Variants in TMEM181 observed in about 807,000 individuals in gnomAD.
TMEM181 encodes the protein G protein-coupled receptor 178.
In TMEM181, 39 loss-of-function variants were observed where a neutral mutation model predicts 71.9. That is an observed-to-expected ratio of 0.54 (90% confidence interval 0.42 to 0.71). TMEM181 has a LOEUF of 0.71. TMEM181 is among the 30% of genes least tolerant of loss of function. TMEM181 has a pLI of 0.00. For missense variants in TMEM181, 595 were observed against 583.0 expected (o/e 1.02, Z -0.21); for synonymous variants, 245 against 228.8 (o/e 1.07, Z -0.64).
At chr6:158,555,523 G>T (rs111773193), upstream of TMEM181, among the ~76,000 whole-genome samples, 1 of 150,702 alleles carries the variant, frequency 6.6e-6, no homozygotes, top group Non-Finnish European at 1.5e-5. Flanking sequence ...GAAAAAAATA[G>T]AGATAGAGAA....
intron 6 of TMEM181, among the ~76,000 whole-genome samples, chr6:158,591,788 C>G (rs902132782): frequency 1.3e-5 from 2 of 152,108 alleles, no homozygotes; most frequent in African/African-American, 4.8e-5. Context: ...AGCTGTAGTT[C>G]ATCCTGACCC....
intron 12 of TMEM181, among the ~76,000 whole-genome samples, chr6:158,625,425 G>A (rs747476561): frequency 5.9e-5 from 9 of 152,118 alleles, no homozygotes; most frequent in Non-Finnish European, 8.8e-5. Flanking sequence ...TGGGTCCTGC[G>A]GGACTGTACC....
rs1781702461 is a variant in TMEM181, at chr6:158,550,924, TG to T, written c.131+14060del. 2.9e-5 allele frequency among the ~76,000 whole-genome samples: 4 copies of T among 140,276 alleles called. No homozygotes were observed. In the South Asian group the frequency reaches 8.8e-4, roughly 31 times the overall value. The allele number at this position is 140,276 out of a possible 152,430, so 92.0% of individuals were successfully genotyped here. Reference sequence around the variant, plus strand: ...AAAAAAAAAAAAAAAGAACCAATAATGTTTTAAATAAAAATCATACAAACAT... The same window carrying T: ...AAAAAAAAAAAAAAAGAACCAATAATTTTTAAATAAAAATCATACAAACAT... On this transcript the variant is annotated intron_variant, in intron 1 of 16. Coordinates refer to the TMEM181 transcript ENST00000367090.
At chr6:158,585,457 C>G in intron 5 of TMEM181, 32 bp downstream of exon 5, 1 of 1,521,618 alleles carries the variant, frequency 6.6e-7, no homozygotes, top group Non-Finnish European at 8.8e-7. Context: ...CACAGTCAGT[C>G]CTCAGGCTGT....
chr6:158,623,575 T>G lies in TMEM181; in HGVS notation c.922T>G (p.Tyr308Asp), dbSNP rs779971069. 6.3e-7 allele frequency: 1 copy of G among 1,584,682 alleles called. No homozygotes were observed. ...QTVNELHDPMYQYRVDTGNFQ... is the reference protein window; with the variant it reads ...QTVNELHDPMDQYRVDTGNFQ... ...AGTTAACGAATTACATGATCCAATG[T>G]ACCAGTATCGAGTTGATACCGGAAA... The change falls in exon 11 of 17, where the codon TAC (tyrosine) becomes GAC (aspartate). Residue 308 changes from tyrosine (Y) to aspartate (D), a missense_variant. Coordinates refer to ENST00000684151, the MANE Select transcript of TMEM181 (RefSeq NM_001376852.1).
intron 10 of TMEM181, among the ~76,000 whole-genome samples, chr6:158,621,856 T>C (rs570611109): frequency 6.6e-6 from 1 of 152,334 alleles, no homozygotes; most frequent in Non-Finnish European, 1.5e-5. Context: ...TTGATTACTT[T>C]GCAATACAAA....
intron 6 of TMEM181, among the ~76,000 whole-genome samples, chr6:158,596,211 G>C (rs35016219): frequency 6.6e-6 from 1 of 152,058 alleles, no homozygotes; most frequent in East Asian, 1.9e-4. Flanking sequence ...GAGCCACTGC[G>C]CCTGGCCCAA....
At chr6:158,611,296 C>A (rs1205437867) in intron 10 of TMEM181, 3 of 501,098 alleles carry the variant, frequency 6.0e-6, no homozygotes, top group South Asian at 1.5e-5. Flanking sequence ...CCTAGCTGGT[C>A]CTTCTCCACA....
At chr6:158,601,230 T>C (rs1784653179) in intron 6 of TMEM181, among the ~76,000 whole-genome samples, 1 of 152,218 alleles carries the variant, frequency 6.6e-6, no homozygotes, top group Non-Finnish European at 1.5e-5. Context: ...TTGTGCTTAG[T>C]TTTTAATACG....
intron 2 of TMEM181, among the ~76,000 whole-genome samples, chr6:158,577,511 A>T (rs1044108295): frequency 2.0e-5 from 3 of 152,204 alleles, no homozygotes; most frequent in Admixed American, 2.0e-4. Context: ...GAGAAGAGAT[A>T]GAGAATGGGT....
chr6:158,557,594 T>G (rs981544182), upstream of TMEM181, among the ~76,000 whole-genome samples: 1 of 152,132 alleles, frequency 6.6e-6, no homozygotes, highest in Non-Finnish European at 1.5e-5. Context: ...CTTGGCTCAC[T>G]GCAAGCTCCA....
chr6:158,569,966 C>G (rs1006624140), intron 1 of TMEM181, among the ~76,000 whole-genome samples: 1 of 152,104 alleles, frequency 6.6e-6, no homozygotes, highest in African/African-American at 2.4e-5. Flanking sequence ...AATAACTGTG[C>G]TAGTAGGGGG....
chr6:158,578,941 C>A (rs552354692), intron 2 of TMEM181, among the ~76,000 whole-genome samples: 2 of 152,266 alleles, frequency 1.3e-5, no homozygotes, highest in African/African-American at 4.8e-5. Flanking sequence ...ATTTCACTTC[C>A]GTGTATATAC....
At chr6:158,585,937 G>A (rs1335847671) in intron 5 of TMEM181, among the ~76,000 whole-genome samples, 2 of 152,136 alleles carry the variant, frequency 1.3e-5, no homozygotes, top group Non-Finnish European at 2.9e-5. Flanking sequence ...CAATTCTCCT[G>A]CCTTAACTTC....
intron 10 of TMEM181, among the ~76,000 whole-genome samples, chr6:158,619,891 GA>G (rs1785858075): frequency 1.1e-5 from 1 of 88,374 alleles, no homozygotes; most frequent in African/African-American, 4.5e-5. Context: ...AAAAAAAAAG[GA>G]GGATGTCATG....
At chr6:158,561,486 G>C (rs1782169588) in intron 1 of TMEM181, among the ~76,000 whole-genome samples, 1 of 152,212 alleles carries the variant, frequency 6.6e-6, no homozygotes, top group Admixed American at 6.5e-5. Flanking sequence ...TTGTAGCAGA[G>C]TGACAGCTGC....
intron 1 of TMEM181, among the ~76,000 whole-genome samples, chr6:158,566,184 G>A (rs1407564096): frequency 1.3e-5 from 2 of 152,094 alleles, no homozygotes; most frequent in East Asian, 3.9e-4. Context: ...GGTTTGGTGT[G>A]AGGCAGGTCA....
intron 2 of TMEM181, 110 bp downstream of exon 2, chr6:158,573,633 C>A: frequency 2.2e-6 from 2 of 894,364 alleles, no homozygotes; most frequent in Non-Finnish European, 3.5e-6. Flanking sequence ...AGGGCCCCAG[C>A]GTGGAGGGAG....
intron 1 of TMEM181, among the ~76,000 whole-genome samples, chr6:158,563,712 A>T (rs1283684685): frequency 6.6e-6 from 1 of 152,220 alleles, no homozygotes. Flanking sequence ...TCTGGAAAGG[A>T]TACACATGAA....
Sources: gnomAD v4.1 joint callset for allele counts (sites outside exome capture counted in the v4.1 genomes callset) on GRCh38, gnomAD v4.1.1 for gene constraint, MANE v1.5 for transcripts, NCBI Gene and HGNC (gene_info 2026-07-23, HGNC 2026-07-21) for gene names.